Variants in MEMO1 observed in about 807,000 individuals in gnomAD.
MEMO1 encodes the protein mediator of cell motility 1, also known as protein MEMO1.
Under a neutral mutation model 45.2 loss-of-function variants are expected in MEMO1, and 6 were observed. The observed-to-expected ratio is 0.13, with a 90% CI of 0.07 to 0.26. MEMO1 has a LOEUF of 0.26. Ranked by LOEUF, MEMO1 falls within the 10% of genes least tolerant of loss-of-function variation. The pLI is 1.00. For synonymous variants in MEMO1, 78 were observed against 124.3 expected (o/e 0.63, Z 2.48); for missense variants, 184 against 370.5 (o/e 0.50, Z 4.13).
At chr2:31,920,976 G>A in intron 4 of MEMO1, 66 bp from the exon 5 acceptor site, 1 of 1,075,296 alleles carries the variant, frequency 9.3e-7, no homozygotes, top group Non-Finnish European at 1.4e-6. Flanking sequence ...TTAAATAAAA[G>A]AGAAAAAAGT....
chr2:31,999,698 T>A (rs1339100502), intron 2 of MEMO1, among the ~76,000 whole-genome samples: 2 of 152,130 alleles, frequency 1.3e-5, no homozygotes, highest in African/African-American at 2.4e-5. Context: ...TCTTAACTCA[T>A]ATGATACTAC....
At chr2:31,964,880 GT>G (rs1668428600) in intron 2 of MEMO1, among the ~76,000 whole-genome samples, 1 of 151,960 alleles carries the variant, frequency 6.6e-6, no homozygotes. Context: ...AGGTGTTCAA[GT>G]TTCTTTTAGA....
At chr2:31,911,656 T>C (rs1293534773) in intron 6 of MEMO1, among the ~76,000 whole-genome samples, 1 of 152,182 alleles carries the variant, frequency 6.6e-6, no homozygotes, top group Non-Finnish European at 1.5e-5. Flanking sequence ...AAGCATCTAA[T>C]GTAGCATTCT....
At chr2:32,002,624 T>C (rs774798219) in intron 2 of MEMO1, among the ~76,000 whole-genome samples, 1 of 152,152 alleles carries the variant, frequency 6.6e-6, no homozygotes, top group Non-Finnish European at 1.5e-5. Context: ...TTACTCAACT[T>C]AGGTCATTGT....
intron 8 of MEMO1, among the ~76,000 whole-genome samples, chr2:31,872,016 A>AAC (rs55682785): frequency 1.1e-3 from 158 of 143,302 alleles, no homozygotes; most frequent in African/African-American, 3.2e-3. Flanking sequence ...TCTGTCTCAA[A>AAC]ACACACACAC....
intron 2 of MEMO1, among the ~76,000 whole-genome samples, chr2:31,960,421 G>C (rs959861702): frequency 9.2e-5 from 14 of 151,956 alleles, no homozygotes; most frequent in Admixed American, 4.6e-4. Flanking sequence ...AAACTATCCT[G>C]TTTACTGTAG....
intron 6 of MEMO1, among the ~76,000 whole-genome samples, chr2:31,917,076 A>C (rs370539903): frequency 1.1e-3 from 162 of 152,338 alleles, no homozygotes; most frequent in African/African-American, 3.8e-3. Context: ...ATATAATGTT[A>C]TCTTAGACTT....
At chr2:31,951,690 A>G (rs1326909664) in intron 2 of MEMO1, among the ~76,000 whole-genome samples, 1 of 151,766 alleles carries the variant, frequency 6.6e-6, no homozygotes, top group Admixed American at 6.6e-5. Flanking sequence ...CTGCCACCGC[A>G]CCCGGCTAAT....
chr2:31,995,737 G>T (rs1455696114), intron 2 of MEMO1, among the ~76,000 whole-genome samples: 1 of 151,768 alleles, frequency 6.6e-6, no homozygotes, highest in Non-Finnish European at 1.5e-5. Flanking sequence ...TAATAAAGAT[G>T]AAAAATTTCC....
At chr2:31,937,545 A>C (rs1665061319) in intron 3 of MEMO1, among the ~76,000 whole-genome samples, 1 of 152,208 alleles carries the variant, frequency 6.6e-6, no homozygotes, top group Non-Finnish European at 1.5e-5. Context: ...TTCACTATAT[A>C]CAAACTTGTC....
Position 32,005,815 on chromosome 2 carries a change from T to C in MEMO1, c.61+4372A>G, listed in dbSNP as rs564283432. On this transcript the variant is annotated intron_variant, in intron 2 of 9. Transcript: ENST00000404530. ...GAGCATCTACTATGTACAAAACCTA[T>C]GCTGAGTACTTAGGGTACAAAAAAA... 3.9e-5 allele frequency among the ~76,000 whole-genome samples: 6 copies of C among 152,274 alleles called. No homozygotes were observed. The East Asian group carries it at 1.2e-3, about 29-fold the overall frequency.
intron 2 of MEMO1, among the ~76,000 whole-genome samples, chr2:31,972,384 A>G (rs1669511840): frequency 6.6e-6 from 1 of 152,232 alleles, no homozygotes. Flanking sequence ...AATTTAATAA[A>G]GACATTACTA....
At chr2:31,872,278 G>A (rs992584244) in intron 8 of MEMO1, among the ~76,000 whole-genome samples, 1 of 152,108 alleles carries the variant, frequency 6.6e-6, no homozygotes, top group African/African-American at 2.4e-5. Context: ...CTACTCTGAT[G>A]TACTAAAGTA....
At chr2:31,894,652 A>G (rs1435112494) in intron 6 of MEMO1, among the ~76,000 whole-genome samples, 4 of 152,190 alleles carry the variant, frequency 2.6e-5, no homozygotes. Context: ...CTGGCAGCGT[A>G]TGCACAGGGG....
chr2:31,884,140 T>A (rs1176391630), intron 7 of MEMO1, among the ~76,000 whole-genome samples: 1 of 152,102 alleles, frequency 6.6e-6, no homozygotes, highest in East Asian at 1.9e-4. Flanking sequence ...TTTTGGCTAT[T>A]CTCCAAAGAA....
chr2:31,963,408 G>A (rs1160444179), intron 2 of MEMO1: 1 of 965,838 alleles, frequency 1.0e-6, no homozygotes, highest in Non-Finnish European at 1.3e-6. Context: ...AGCAAGGAAA[G>A]CTAAAATATC....
chr2:31,974,209 TG>T (rs1284925517), intron 2 of MEMO1, among the ~76,000 whole-genome samples: 1 of 152,208 alleles, frequency 6.6e-6, no homozygotes. Context: ...ACCATGTTTT[TG>T]CCTGATAATC....
intron 2 of MEMO1, among the ~76,000 whole-genome samples, chr2:31,999,882 ATT>A (rs5830219): frequency 0.013 from 1,633 of 123,042 alleles, 22 homozygotes; most frequent in African/African-American, 0.043. Context: ...TGCATCAGGC[ATT>A]TTTTTTTTTT....
chr2:31,989,227 T>C (rs1297834405), intron 2 of MEMO1, among the ~76,000 whole-genome samples: 1 of 132,294 alleles, frequency 7.6e-6, no homozygotes, highest in African/African-American at 3.0e-5. Context: ...AAACTCTGTC[T>C]CAAAAAAAAA....
Sources: gnomAD v4.1 joint callset for allele counts (sites outside exome capture counted in the v4.1 genomes callset) on GRCh38, gnomAD v4.1.1 for gene constraint, MANE v1.5 for transcripts, NCBI Gene and HGNC (gene_info 2026-07-23, HGNC 2026-07-21) for gene names.